CSGALNACT1: variants seen among roughly 807,000 people sequenced by gnomAD.
CSGALNACT1 encodes beta4GalNAcT-1.
Under a neutral mutation model 51.0 loss-of-function variants are expected in CSGALNACT1, and 52 were observed. The observed-to-expected ratio is 1.02, with a 90% CI of 0.82 to 1.29. The LOEUF is 1.29. Among genes scored for constraint, CSGALNACT1 ranks in the 50% most tolerant of loss-of-function variants. The pLI, the probability that CSGALNACT1 is intolerant of heterozygous loss-of-function variation, is 0.00. For missense variants in CSGALNACT1, 935 were observed against 679.2 expected (o/e 1.38, Z -4.19); for synonymous variants, 341 against 254.4 (o/e 1.34, Z -3.24).
intron 2 of CSGALNACT1, among the ~76,000 whole-genome samples, chr8:19,594,901 T>G (rs899610367): frequency 6.6e-6 from 1 of 152,250 alleles, no homozygotes; most frequent in South Asian, 2.1e-4. Context: ...TTTACTCCTT[T>G]TATATACCTA....
intron 4 of CSGALNACT1, among the ~76,000 whole-genome samples, chr8:19,477,490 C>T (rs1193480339): frequency 2.0e-5 from 3 of 152,180 alleles, no homozygotes; most frequent in Non-Finnish European, 1.5e-5. Context: ...ATTAAGTACC[C>T]ACTGATAGTT....
intron 3 of CSGALNACT1, among the ~76,000 whole-genome samples, chr8:19,519,037 C>T (rs965294398): frequency 5.3e-5 from 8 of 152,182 alleles, no homozygotes; most frequent in Non-Finnish European, 1.0e-4. Context: ...TTACCCAATG[C>T]CTTGACCAGG....
At chr8:19,604,064 G>C (rs1460426482), upstream of CSGALNACT1, among the ~76,000 whole-genome samples, 1 of 152,168 alleles carries the variant, frequency 6.6e-6, no homozygotes, top group Non-Finnish European at 1.5e-5. Flanking sequence ...TTAAAAGTCT[G>C]CTCTTCAGCT....
intron 3 of CSGALNACT1, among the ~76,000 whole-genome samples, chr8:19,573,786 G>A (rs2043547817): frequency 6.6e-6 from 1 of 152,148 alleles, no homozygotes; most frequent in African/African-American, 2.4e-5. Flanking sequence ...TCAGGAAGGG[G>A]ATGTATAAGG....
intron 4 of CSGALNACT1, among the ~76,000 whole-genome samples, chr8:19,500,893 G>A (rs1021447202): frequency 2.0e-5 from 3 of 152,210 alleles, no homozygotes; most frequent in Non-Finnish European, 4.4e-5. Context: ...GGCAGGTTCA[G>A]TTGTCTGGTA....
chr8:19,597,024 C>G (rs935746694), intron 2 of CSGALNACT1, among the ~76,000 whole-genome samples: 2 of 152,056 alleles, frequency 1.3e-5, no homozygotes, highest in Non-Finnish European at 2.9e-5. Flanking sequence ...CCCCTGACAC[C>G]TCTCATTCTA....
chr8:19,451,313 T>A (rs2063144357), intron 5 of CSGALNACT1, among the ~76,000 whole-genome samples: 1 of 152,190 alleles, frequency 6.6e-6, no homozygotes, highest in Admixed American at 6.5e-5. Context: ...AATTTTCTAT[T>A]AGTCCCAATT....
At chr8:19,530,706 G>A (rs1166515365) in intron 3 of CSGALNACT1, among the ~76,000 whole-genome samples, 1 of 152,086 alleles carries the variant, frequency 6.6e-6, no homozygotes, top group African/African-American at 2.4e-5. Flanking sequence ...CCTTCAGCCT[G>A]GACAACAGAG....
intron 1 of CSGALNACT1, among the ~76,000 whole-genome samples, chr8:19,608,959 A>AT (rs2154151132): frequency 6.6e-6 from 1 of 152,296 alleles, no homozygotes; most frequent in East Asian, 1.9e-4. Context: ...ATGGTCTCTC[A>AT]TTATCTTGCA....
At chr8:19,530,675 G>A (rs1342605834) in intron 3 of CSGALNACT1, among the ~76,000 whole-genome samples, 1 of 152,088 alleles carries the variant, frequency 6.6e-6, no homozygotes, top group South Asian at 2.1e-4. Context: ...GGGCTATAGC[G>A]AGCTATGATT....
chr8:19,735,191 C>CCTT (rs893040963), intron 1 of CSGALNACT1, among the ~76,000 whole-genome samples: 1 of 151,990 alleles, frequency 6.6e-6, no homozygotes, highest in African/African-American at 2.4e-5. Context: ...TCAGCATTGG[C>CCTT]TCTGGGTGAA....
chr8:19,466,292 G>A (rs1387747610), intron 4 of CSGALNACT1, among the ~76,000 whole-genome samples: 1 of 152,162 alleles, frequency 6.6e-6, no homozygotes, highest in Non-Finnish European at 1.5e-5. Context: ...AATTATCAGT[G>A]TCTGAAATCA....
intron 3 of CSGALNACT1, among the ~76,000 whole-genome samples, chr8:19,541,738 G>C (rs1328881032): frequency 2.0e-5 from 3 of 151,502 alleles, no homozygotes; most frequent in Non-Finnish European, 4.4e-5. Context: ...TTTTACTATT[G>C]TTAGTTTGGC....
In CSGALNACT1 at chr8:19,638,443, A is replaced by G. The variant is rs188539713; in HGVS notation, c.-543-36578T>C. On this transcript the variant is annotated intron_variant, in intron 1 of 9. Coordinates refer to the CSGALNACT1 transcript ENST00000332246. ...CTCGCCTTCTTTTTCCTGCCCTGTA[A>G]GATTACTCTCAGTTAATTGTTCTAG... 2.5e-3 allele frequency among the ~76,000 whole-genome samples: 382 copies of G among 152,260 alleles called. 1 individual carries two copies. The highest frequency in any genetic ancestry group is 8.9e-3 in the African/African-American group (368 of 41,556).
intron 3 of CSGALNACT1, among the ~76,000 whole-genome samples, chr8:19,547,262 A>C (rs1398308307): frequency 1.3e-5 from 2 of 152,190 alleles, no homozygotes; most frequent in Non-Finnish European, 2.9e-5. Flanking sequence ...GTGACAAGTA[A>C]AAGCTCTAAC....
upstream of CSGALNACT1, among the ~76,000 whole-genome samples, chr8:19,686,973 C>A (rs1385838952): frequency 1.3e-5 from 2 of 152,158 alleles, no homozygotes; most frequent in East Asian, 3.8e-4. Flanking sequence ...CCATCAGGAC[C>A]AAATCATACA....
chr8:19,441,419 T>A (rs1021340838), intron 5 of CSGALNACT1, among the ~76,000 whole-genome samples: 74 of 152,074 alleles, frequency 4.9e-4, no homozygotes, highest in Admixed American at 1.5e-3. Flanking sequence ...ATGCAGCATA[T>A]CTACAACCAT....
At chr8:19,535,537 G>C (rs1171945424) in intron 3 of CSGALNACT1, among the ~76,000 whole-genome samples, 1 of 152,158 alleles carries the variant, frequency 6.6e-6, no homozygotes, top group Non-Finnish European at 1.5e-5. Flanking sequence ...TCAATTAAAT[G>C]TCCATTAATA....
intron 4 of CSGALNACT1, among the ~76,000 whole-genome samples, chr8:19,488,157 C>T (rs1035578479): frequency 2.0e-5 from 3 of 151,702 alleles, no homozygotes; most frequent in Non-Finnish European, 4.4e-5. Flanking sequence ...CGAGACCAGC[C>T]TGGCCAAAAT....
Sources: gnomAD v4.1 joint callset for allele counts (sites outside exome capture counted in the v4.1 genomes callset) on GRCh38, gnomAD v4.1.1 for gene constraint, MANE v1.5 for transcripts, NCBI Gene and HGNC (gene_info 2026-07-23, HGNC 2026-07-21) for gene names.